The following PTGES variants were observed in gnomAD, a reference collection of about 807,000 sequenced individuals.
The protein encoded by PTGES is prostaglandin E synthase, also known as MGST1-like 1.
PTGES carries 3 observed loss-of-function variants against 11.8 expected under a neutral mutation model. The ratio of observed to expected loss-of-function variants is 0.25; its 90% CI spans 0.12 to 0.66. The LOEUF is 0.66. Among genes scored for constraint, PTGES ranks in the 30% least tolerant of loss-of-function variants. PTGES has a pLI of 0.82. For synonymous variants in PTGES, 94 were observed against 90.4 expected, an observed-to-expected ratio of 1.04 and a Z score of -0.22; for missense variants, 180 against 213.0, an observed-to-expected ratio of 0.85 and a Z score of 0.96.
chr9:129,746,705 C>T (rs1404507227), intron 2 of PTGES, among the ~76,000 whole-genome samples: 9 of 152,176 alleles, frequency 5.9e-5, no homozygotes, highest in Non-Finnish European at 1.0e-4. Flanking sequence ...AGTTTGTCTC[C>T]GGCCTCAGCC....
Position 129,739,491 on chromosome 9 carries a change from G to T in PTGES, c.*120C>A. ...TGCCCAGAGACCCACACGCGCAGCA[G>T]GCTGCCAGGAAACCAGGACTCAGGG... is the stretch of plus-strand genomic sequence containing the variant. On this transcript the variant is annotated 3_prime_UTR_variant, in exon 3 of 3. Transcript: ENST00000340607. The surrounding 1 kb of genome is among the most constrained non-coding windows in gnomAD (Gnocchi z 5.7). 1 of 1,375,526 alleles carries T rather than the reference G, an allele frequency of 7.3e-7. No individual in the cohort carries two copies. The highest frequency in any genetic ancestry group is 2.5e-5 in the East Asian group (1 of 39,840). The allele number at this position is 1,375,526 out of a possible 1,614,324, so 85.2% of individuals were successfully genotyped here.
At chr9:129,749,960 G>A (rs1206577714) in intron 1 of PTGES, among the ~76,000 whole-genome samples, 1 of 152,212 alleles carries the variant, frequency 6.6e-6, no homozygotes, top group Non-Finnish European at 1.5e-5. Context: ...GCTCCGCGCT[G>A]ATTAACCACA....
At position 129,745,405 on chromosome 9, in the gene PTGES, G is replaced by A. The variant is rs1364404485; in HGVS notation, c.209+3250C>T. ...TTCCTATTTGACAGAAGGGTGACTC[G>A]AATCATACCATAAACCCTGGTCTAA... On this transcript the variant is annotated intron_variant, in intron 2 of 2. Coordinates refer to ENST00000340607, the MANE Select transcript of PTGES (RefSeq NM_004878.5). This position sits in a 1 kb window ranked among gnomAD's most constrained non-coding sequence, Gnocchi z 4.2. Among the ~76,000 whole-genome samples, 2 of 152,188 alleles carry A rather than the reference G, an allele frequency of 1.3e-5. No homozygotes were observed. Among genetic ancestry groups the A allele is most frequent in the Admixed American group, 6.5e-5 (1 of 15,270 alleles).
chr9:129,747,146 G>A (rs1034242019), intron 2 of PTGES, among the ~76,000 whole-genome samples: 10 of 150,162 alleles, frequency 6.7e-5, no homozygotes, highest in Non-Finnish European at 1.0e-4. Context: ...GTGATCTGCC[G>A]GCCCTCGAAA....
At chr9:129,741,006 C>G (rs1392075610) in intron 2 of PTGES, among the ~76,000 whole-genome samples, 1 of 152,212 alleles carries the variant, frequency 6.6e-6, no homozygotes, top group Non-Finnish European at 1.5e-5. Context: ...CTCCTCTTCC[C>G]TCTCACTGGC....
At chr9:129,740,715 T>C (rs563984807) in intron 2 of PTGES, among the ~76,000 whole-genome samples, 72 of 152,304 alleles carry the variant, frequency 4.7e-4, no homozygotes, top group African/African-American at 1.4e-3. Context: ...TCCAGACTCC[T>C]ACTAATGGCC....
In PTGES at chr9:129,752,879, G is replaced by A. The variant is rs758989420; in HGVS notation, c.126+8C>T. 1 of 1,613,960 alleles carries A rather than the reference G, an allele frequency of 6.2e-7. No individual in the cohort carries two copies. ...ACCCAGGCCGGGGACCCCCAGGGAG[G>A]CACATACCTTCTTCCGCAGCCTCAC... is the stretch of plus-strand genomic sequence containing the variant. On this transcript the variant is annotated splice_region_variant and intron_variant, in intron 1 of 2. Transcript: ENST00000340607.
chr9:129,752,911 C>A lies in PTGES; in HGVS notation c.102G>T (p.Thr34=), dbSNP rs773737665. Residue 34 remains threonine, a synonymous_variant, in exon 1 of 3, where the codon ACG becomes ACT. Transcript: ENST00000340607. ...CCTTCTTCCGCAGCCTCACTTGGCCCGTGATGATGGCCACCACGTACATCT... is the reference window on the plus strand; with the variant it reads ...CCTTCTTCCGCAGCCTCACTTGGCCAGTGATGATGGCCACCACGTACATCT... ...VIKMYVVAII[T]GQVRLRKKAF... is the part of the protein sequence containing the mutation. 3 of 1,613,914 alleles carry A rather than the reference C, an allele frequency of 1.9e-6. No individual in the cohort carries two copies. The Admixed American group carries it at 5.0e-5, about 27-fold the overall frequency.
In PTGES at chr9:129,739,461, C is replaced by T. The variant is rs45591634; in HGVS notation, c.*150G>A. ...ACACACACGGGCACACACACAGGCC[C>T]ACTGTGCCCAGAGACCCACACGCGC... On this transcript the variant is annotated 3_prime_UTR_variant, in exon 3 of 3. Transcript: ENST00000340607. The surrounding 1 kb of genome is among the most constrained non-coding windows in gnomAD (Gnocchi z 5.7). The T allele has an allele frequency of 7.4e-4, 791 of 1,071,934 alleles. 5 individuals carry two copies. The African/African-American group carries it at 0.011, about 15-fold the overall frequency. The allele number at this position is 1,071,934 out of a possible 1,614,324, so 66.4% of individuals were successfully genotyped here. A position where few individuals can be genotyped will look rare whatever the true frequency, so the allele number is the denominator to read the frequency against.
At chr9:129,748,181 G>A (rs990585421) in intron 2 of PTGES, among the ~76,000 whole-genome samples, 1 of 142,624 alleles carries the variant, frequency 7.0e-6, no homozygotes, top group Admixed American at 7.3e-5. Flanking sequence ...CAACTCCTCT[G>A]TGAGCCGATA....
chr9:129,748,544 C>T, intron 2 of PTGES, 111 bp downstream of exon 2: 1 of 779,294 alleles, frequency 1.3e-6, no homozygotes, highest in Non-Finnish European at 1.9e-6. Flanking sequence ...AGATCAGGAA[C>T]ACAGAAAACC....
chr9:129,739,835 T>C lies in PTGES; in HGVS notation c.235A>G (p.Ile79Val), dbSNP rs769897779. 1 of 1,570,026 alleles carries C rather than the reference T, an allele frequency of 6.4e-7. No homozygotes were observed. The highest frequency in any genetic ancestry group is 1.4e-5 in the African/African-American group (1 of 73,954). Residue 79 changes from isoleucine to valine, a missense_variant, in exon 3 of 3, where the codon ATC becomes GTC. Transcript: ENST00000340607. This position sits in a 1 kb window ranked among gnomAD's most constrained non-coding sequence, Gnocchi z 5.7. The part of the protein sequence containing the change: ...LRAHRNDMET[I>V]YPFLFLGFVY... ...AAGCCCAGGAAAAGGAAGGGGTAGA[T>C]GGTCTCCATGTCGTTCCGGTGGGCC... is the stretch of plus-strand genomic sequence containing the variant.
rs1833044391 is a variant in PTGES at position 129,745,861 on chromosome 9, C to T, written c.209+2794G>A. 6.6e-6 allele frequency among the ~76,000 whole-genome samples: 1 copy of T among 151,716 alleles called. No homozygotes were observed. Among genetic ancestry groups the T allele is most frequent in the Non-Finnish European group, 1.5e-5 (1 of 67,932 alleles). ...CCTGGCCAACATGGTGAAACTCTGT[C>T]TCTACTAAAAAAAAAATACAAAAAT... On this transcript the variant is annotated intron_variant, in intron 2 of 2. Coordinates refer to ENST00000340607, the MANE Select transcript of PTGES (RefSeq NM_004878.5). The surrounding 1 kb of genome is among the most constrained non-coding windows in gnomAD (Gnocchi z 4.2).
chr9:129,739,981 A>C lies in PTGES; in HGVS notation c.210-121T>G. 1 of 1,230,480 alleles carries C rather than the reference A, an allele frequency of 8.1e-7. No individual in the cohort carries two copies. The highest frequency in any genetic ancestry group is 1.1e-6 in the Non-Finnish European group (1 of 893,722). The allele number at this position is 1,230,480 out of a possible 1,614,324, so 76.2% of individuals were successfully genotyped here. On this transcript the variant is annotated intron_variant, in intron 2 of 2. Transcript: ENST00000340607. The surrounding 1 kb of genome is among the most constrained non-coding windows in gnomAD (Gnocchi z 5.7). ...CTGGGGGTCATTTCAGGCATATCAC[A>C]CACTCAAATCCATTCACAGCCAGGT...
In PTGES at chr9:129,739,955, A is replaced by C. The variant is rs1370222560; in HGVS notation, c.210-95T>G. 2.5e-5 allele frequency: 35 copies of C among 1,408,882 alleles called. No individual in the cohort carries two copies. Among genetic ancestry groups the C allele is most frequent in the Non-Finnish European group, 2.9e-6 (3 of 1,049,640 alleles). 87.3% of individuals were successfully genotyped at this position (1,408,882 alleles called of 1,614,324 possible). A position where few individuals can be genotyped will look rare whatever the true frequency, so the allele number is the denominator to read the frequency against. Reference sequence around the variant, plus strand: ...ATGGAAGCTGGGGGTGCTTTGACCCACTGGGGGTCATTTCAGGCATATCAC... The same window carrying C: ...ATGGAAGCTGGGGGTGCTTTGACCCCCTGGGGGTCATTTCAGGCATATCAC... On this transcript the variant is annotated intron_variant, in intron 2 of 2. Coordinates refer to ENST00000340607, the MANE Select transcript of PTGES (RefSeq NM_004878.5). This position sits in a 1 kb window ranked among gnomAD's most constrained non-coding sequence, Gnocchi z 5.7.
chr9:129,739,140 A>G lies in PTGES; in HGVS notation c.*471T>C, dbSNP rs1264666436. On this transcript the variant is annotated 3_prime_UTR_variant, in exon 3 of 3. Transcript: ENST00000340607. This position sits in a 1 kb window ranked among gnomAD's most constrained non-coding sequence, Gnocchi z 5.7. ...GAGCAAGACTCTGTCTTGGAAAAAA[A>G]AAAATACAGATGGCCAGGCTTGCCT... 1 of 162,064 alleles carries G rather than the reference A, an allele frequency of 6.2e-6. No individual in the cohort carries two copies. Among genetic ancestry groups the G allele is most frequent in the Non-Finnish European group, 1.3e-5 (1 of 74,246 alleles). The allele number at this position is 162,064 out of a possible 1,614,324, so 10.0% of individuals were successfully genotyped here.
At chr9:129,746,729 G>A (rs11791984) in intron 2 of PTGES, among the ~76,000 whole-genome samples, 4,476 of 152,178 alleles carry the variant, frequency 0.029, 74 homozygotes, top group South Asian at 0.04. Flanking sequence ...CCAGCTCTCC[G>A]TCCTCCCCAC....
chr9:129,751,256 G>A (rs946239955), intron 1 of PTGES, among the ~76,000 whole-genome samples: 13 of 151,696 alleles, frequency 8.6e-5, no homozygotes, highest in Non-Finnish European at 1.3e-4. Flanking sequence ...CCAGGAAGTC[G>A]AGGCTACAGT....
chr9:129,740,786 T>G (rs1215107099), intron 2 of PTGES, among the ~76,000 whole-genome samples: 1 of 152,152 alleles, frequency 6.6e-6, no homozygotes, highest in Non-Finnish European at 1.5e-5. Flanking sequence ...AATGAGCAAC[T>G]AAACCCATAG....
Sources: gnomAD v4.1 joint callset for allele counts (sites outside exome capture counted in the v4.1 genomes callset) on GRCh38, gnomAD v4.1.1 for gene constraint, Gnocchi (gnomAD v3.1) non-coding constraint, MANE v1.5 for transcripts, NCBI Gene and HGNC (gene_info 2026-07-23, HGNC 2026-07-21) for gene names.